Variants in MBD5 observed in about 807,000 individuals in gnomAD.
MBD5 encodes methyl-CpG binding domain protein 5, also known as methyl-CpG-binding domain protein 5.
A neutral mutation model predicts 117.3 loss-of-function variants in MBD5; 13 were observed. The ratio of observed to expected loss-of-function variants is 0.11; its 90% CI spans 0.07 to 0.18. MBD5 has a LOEUF of 0.18. MBD5 is among the 10% of genes least tolerant of loss of function. The pLI, the probability that MBD5 is intolerant of heterozygous loss-of-function variation, is 1.00. For synonymous variants in MBD5, 727 were observed against 766.4 expected, an observed-to-expected ratio of 0.95 and a Z score of 0.85; for missense variants, 1,879 against 2,093.8, an observed-to-expected ratio of 0.90 and a Z score of 2.00.
At chr2:148,095,144 T>C (rs770859005) in intron 1 of MBD5, among the ~76,000 whole-genome samples, 43 of 152,228 alleles carry the variant, frequency 2.8e-4, no homozygotes, top group Non-Finnish European at 5.6e-4. Flanking sequence ...CTTGGAAATG[T>C]TGGATCACTT....
intron 2 of MBD5, among the ~76,000 whole-genome samples, chr2:148,231,880 T>C (rs188032013): frequency 4.9e-4 from 75 of 152,224 alleles, no homozygotes; most frequent in African/African-American, 1.7e-3. Context: ...TTATAAATAC[T>C]GTGAATGGAA....
At chr2:148,388,245 A>C (rs2105502851) in intron 4 of MBD5, among the ~76,000 whole-genome samples, 1 of 152,314 alleles carries the variant, frequency 6.6e-6, no homozygotes, top group African/African-American at 2.4e-5. Flanking sequence ...AATATGTTCG[A>C]AGTTGGATTT....
intron 12 of MBD5, among the ~76,000 whole-genome samples, chr2:148,506,830 A>G (rs1682047908): frequency 6.6e-6 from 1 of 152,220 alleles, no homozygotes; most frequent in Admixed American, 6.5e-5. Flanking sequence ...AGAAAATAGT[A>G]GAAGAAACTC....
chr2:148,498,566 G>A (rs1426382612), intron 11 of MBD5, among the ~76,000 whole-genome samples: 1 of 152,140 alleles, frequency 6.6e-6, no homozygotes, highest in Admixed American at 6.5e-5. Context: ...TGGAACTCCT[G>A]ACCTCATGAT....
intron 3 of MBD5, among the ~76,000 whole-genome samples, chr2:148,321,839 C>T (rs754990608): frequency 9.2e-5 from 14 of 152,104 alleles, no homozygotes; most frequent in East Asian, 1.9e-4. Flanking sequence ...CCTCCTGCCT[C>T]GGCCTCCTAG....
At chr2:148,261,938 C>T (rs1358432826) in intron 3 of MBD5, among the ~76,000 whole-genome samples, 1 of 152,096 alleles carries the variant, frequency 6.6e-6, no homozygotes, top group African/African-American at 2.4e-5. Context: ...GGGGAACAGC[C>T]GGATTCTGTG....
At chr2:148,256,282 A>G (rs549320119) in intron 3 of MBD5, among the ~76,000 whole-genome samples, 6 of 152,276 alleles carry the variant, frequency 3.9e-5, no homozygotes, top group African/African-American at 1.4e-4. Flanking sequence ...GCATGTCCCA[A>G]TTTCCAGTGT....
At chr2:148,102,501 G>C (rs528534134) in intron 1 of MBD5, among the ~76,000 whole-genome samples, 22 of 152,020 alleles carry the variant, frequency 1.4e-4, no homozygotes, top group Non-Finnish European at 2.8e-4. Flanking sequence ...GTTACACAGT[G>C]GTGACATAGT....
chr2:148,068,536 A>G (rs942605540), intron 1 of MBD5: 2 of 152,194 alleles, frequency 1.3e-5, no homozygotes, highest in African/African-American at 4.8e-5. Context: ...TAGTACCCAT[A>G]TGTTCTGAAT....
At chr2:148,460,043 G>A (rs1707019963) in intron 5 of MBD5, among the ~76,000 whole-genome samples, 1 of 152,146 alleles carries the variant, frequency 6.6e-6, no homozygotes, top group Non-Finnish European at 1.5e-5. Context: ...TGCCAGTGCT[G>A]TTAACAAAGT....
chr2:148,408,686 T>C (rs1022336333), intron 4 of MBD5, among the ~76,000 whole-genome samples: 3 of 152,134 alleles, frequency 2.0e-5, no homozygotes, highest in Non-Finnish European at 4.4e-5. Context: ...TACACCCCTA[T>C]TTATGTATTA....
chr2:148,421,811 G>T (rs1383691333), intron 4 of MBD5, among the ~76,000 whole-genome samples: 2 of 152,208 alleles, frequency 1.3e-5, no homozygotes, highest in Non-Finnish European at 2.9e-5. Flanking sequence ...AAACAAAGCT[G>T]CCAGGAAGTT....
intron 2 of MBD5, among the ~76,000 whole-genome samples, chr2:148,201,776 A>T (rs1699149329): frequency 1.3e-5 from 2 of 152,256 alleles, no homozygotes; most frequent in Non-Finnish European, 2.9e-5. Context: ...TTTCTCTCTC[A>T]GTGTGGCTGG....
Position 148,502,756 on chromosome 2 carries a change from A to G in MBD5, c.5036+247A>G, listed in dbSNP as rs574451234. 2.0e-5 allele frequency among the ~76,000 whole-genome samples: 3 copies of G among 152,198 alleles called. No individual in the cohort carries two copies. The South Asian group carries it at 6.2e-4, about 32-fold the overall frequency. ...CATCTGTTCTTTCTTCATTCCCTGC[A>G]TCTTCATTCCTCTCATTTAGTGGAA... On this transcript the variant is annotated intron_variant, in intron 12 of 13. Coordinates refer to ENST00000642680, the MANE Select transcript of MBD5 (RefSeq NM_001378120.1).
At chr2:148,202,616 CTA>C (rs1699172577) in intron 2 of MBD5, among the ~76,000 whole-genome samples, 2 of 152,118 alleles carry the variant, frequency 1.3e-5, no homozygotes, top group South Asian at 4.1e-4. Flanking sequence ...CAAAGAGAAA[CTA>C]TTAGTGAGTT....
At chr2:148,206,420 G>A (rs1699285670) in intron 2 of MBD5, among the ~76,000 whole-genome samples, 1 of 152,144 alleles carries the variant, frequency 6.6e-6, no homozygotes, top group Non-Finnish European at 1.5e-5. Context: ...GATCAAATCA[G>A]GGTAATTGGG....
At chr2:148,486,067 G>C (rs1382487622) in intron 10 of MBD5, 117 bp downstream of exon 10, 1 of 903,176 alleles carries the variant, frequency 1.1e-6, no homozygotes, top group African/African-American at 1.6e-5. Flanking sequence ...TCTATTTACT[G>C]TTATTTCTCA....
intron 1 of MBD5, among the ~76,000 whole-genome samples, chr2:148,057,165 G>A (rs1694889833): frequency 6.6e-6 from 1 of 151,444 alleles, no homozygotes; most frequent in Admixed American, 6.6e-5. Flanking sequence ...CCAGTTTTTT[G>A]TATTACTGTT....
At chr2:148,509,788 C>T (rs1361938835) in intron 12 of MBD5, among the ~76,000 whole-genome samples, 1 of 152,214 alleles carries the variant, frequency 6.6e-6, no homozygotes, top group African/African-American at 2.4e-5. Flanking sequence ...CTTCCCAAAT[C>T]ACCAGATTGT....
Sources: allele counts gnomAD v4.1 joint callset (sites outside exome capture counted in the v4.1 genomes callset), GRCh38; gene constraint gnomAD v4.1.1; transcripts MANE v1.5; gene names NCBI Gene and HGNC (gene_info 2026-07-23, HGNC 2026-07-21).